PDE7A: variants seen among roughly 807,000 people sequenced by gnomAD.
The protein encoded by PDE7A is phosphodiesterase 7A.
PDE7A carries 39 observed loss-of-function variants against 64.3 expected under a neutral mutation model. The ratio of observed to expected loss-of-function variants is 0.61; its 90% CI spans 0.47 to 0.79. The LOEUF (loss-of-function observed/expected upper bound fraction) is 0.79, where lower values mean the gene tolerates loss of function less well. PDE7A is among the 30% of genes least tolerant of loss of function. PDE7A has a pLI of 0.00. For synonymous variants in PDE7A, 203 were observed against 206.8 expected (o/e 0.98, Z 0.16); for missense variants, 470 against 582.8 (o/e 0.81, Z 1.99).
rs558012492 is a variant in PDE7A, at chr8:65,767,882, CA to C, written c.283+11837del. 1.4e-4 allele frequency among the ~76,000 whole-genome samples: 21 copies of C among 152,232 alleles called. 1 individual carries two copies. The South Asian group carries it at 4.4e-3, about 32-fold the overall frequency. On this transcript the variant is annotated intron_variant, in intron 3 of 12. Coordinates refer to ENST00000401827, the MANE Select transcript of PDE7A (RefSeq NM_001242318.3). ...GCTGCTCCAGCAAATTAATCCAACCCAAAAAGAGGGTCCTGGGAACCGCAAC... is the reference window on the plus strand; with the variant it reads ...GCTGCTCCAGCAAATTAATCCAACCCAAAAGAGGGTCCTGGGAACCGCAAC...
intron 7 of PDE7A, chr8:65,728,099 C>A (rs2129067167): frequency 6.6e-6 from 1 of 152,320 alleles, no homozygotes; most frequent in Admixed American, 6.5e-5. Context: ...CACAGCACCT[C>A]ATGACCTGCC....
At chr8:65,730,274 G>A (rs540495419) in intron 7 of PDE7A, among the ~76,000 whole-genome samples, 338 of 134,186 alleles carry the variant, frequency 2.5e-3, no homozygotes, top group African/African-American at 7.9e-3. Flanking sequence ...TCCACCTCCC[G>A]GGTTTAAGTG....
At chr8:65,826,293 G>C (rs948641126) in intron 1 of PDE7A, among the ~76,000 whole-genome samples, 11 of 152,194 alleles carry the variant, frequency 7.2e-5, no homozygotes, top group African/African-American at 2.7e-4. Context: ...AAATTGTGGA[G>C]GTAGAATTCT....
At chr8:65,817,208 T>G (rs1314464540) in intron 1 of PDE7A, among the ~76,000 whole-genome samples, 1 of 152,240 alleles carries the variant, frequency 6.6e-6, no homozygotes, top group Non-Finnish European at 1.5e-5. Flanking sequence ...GTTGCAAAGA[T>G]AGTAGAGTGT....
intron 1 of PDE7A, among the ~76,000 whole-genome samples, chr8:65,820,714 C>G (rs957041768): frequency 2.6e-5 from 4 of 152,112 alleles, no homozygotes; most frequent in African/African-American, 9.7e-5. Context: ...CTCAGCCTCT[C>G]AAGTAGCTGG....
chr8:65,813,675 C>A (rs1259166108), intron 1 of PDE7A, among the ~76,000 whole-genome samples: 1 of 152,114 alleles, frequency 6.6e-6, no homozygotes, highest in African/African-American at 2.4e-5. Flanking sequence ...TTAATGTAAT[C>A]TTTTTGACAA....
intron 3 of PDE7A, among the ~76,000 whole-genome samples, chr8:65,756,844 T>A (rs868591599): frequency 5.9e-5 from 9 of 152,192 alleles, no homozygotes; most frequent in African/African-American, 2.2e-4. Flanking sequence ...CATTCCAAGT[T>A]TTACACTGGG....
chr8:65,717,214 A>G lies in PDE7A; in HGVS notation c.*2076T>C, dbSNP rs971789212. On this transcript the variant is annotated 3_prime_UTR_variant, in exon 13 of 13. Coordinates refer to ENST00000401827, the MANE Select transcript of PDE7A (RefSeq NM_001242318.3). ...ACATCAACACTCTTCTGTACAAATA[A>G]TATGTTAATGTGTTTGATTTAGAAG... Among the ~76,000 whole-genome samples, 8 of 152,212 alleles carry G rather than the reference A, an allele frequency of 5.3e-5. No individual in the cohort carries two copies. Among genetic ancestry groups the G allele is most frequent in the Non-Finnish European group, 1.0e-4 (7 of 68,038 alleles).
intron 3 of PDE7A, among the ~76,000 whole-genome samples, chr8:65,769,386 C>A (rs1172724365): frequency 6.6e-6 from 1 of 151,834 alleles, no homozygotes; most frequent in African/African-American, 2.4e-5. Context: ...AAATCAGAAT[C>A]ATTGCAACAA....
intron 4 of PDE7A, 50 bp from the exon 5 acceptor site, chr8:65,745,520 G>A (rs1353153146): frequency 1.0e-6 from 1 of 996,958 alleles, no homozygotes; most frequent in Non-Finnish European, 1.6e-6. Flanking sequence ...CAATAACATT[G>A]TCTTTTGGAG....
intron 3 of PDE7A, among the ~76,000 whole-genome samples, chr8:65,770,248 G>A (rs561540918): frequency 2.6e-5 from 4 of 151,356 alleles, no homozygotes; most frequent in South Asian, 2.1e-4. Flanking sequence ...TGTTTTCAAC[G>A]CTGCTGATAA....
At chr8:65,742,637 G>C (rs1271595367) in intron 5 of PDE7A, among the ~76,000 whole-genome samples, 2 of 152,194 alleles carry the variant, frequency 1.3e-5, no homozygotes, top group East Asian at 1.9e-4. Flanking sequence ...ATTCACTTCA[G>C]GTGAAGCAGT....
intron 3 of PDE7A, among the ~76,000 whole-genome samples, chr8:65,752,924 C>G (rs1384416752): frequency 6.6e-6 from 1 of 152,066 alleles, no homozygotes; most frequent in Non-Finnish European, 1.5e-5. Context: ...CCAAATCTGT[C>G]TTCCTTTCCA....
chr8:65,747,679 T>C lies in PDE7A; in HGVS notation c.408A>G (p.Leu136=). The change falls in exon 4 of 13, where the codon TTA becomes TTG. Residue 136 remains leucine, a synonymous_variant. Transcript: ENST00000401827. ...TGGCTTGTCCATTATAATCATCATC[T>C]AAAATGTTTAGGGAATTTGAAACCG... ...GTAVSNSLNI[L]DDDYNGQAKC... 2.5e-6 allele frequency: 4 copies of C among 1,610,212 alleles called. No homozygotes were observed. Among genetic ancestry groups the C allele is most frequent in the Non-Finnish European group, 3.4e-6 (4 of 1,177,508 alleles).
At chr8:65,728,495 C>T (rs1339130310) in intron 7 of PDE7A, 3 of 151,956 alleles carry the variant, frequency 2.0e-5, no homozygotes, top group Admixed American at 6.6e-5. Flanking sequence ...ATTTTTGTAT[C>T]GCATATAATT....
rs773177540 is a variant in PDE7A, at chr8:65,739,588, A to G, written c.509T>C (p.Leu170Pro). The G allele has an allele frequency of 1.3e-6, 2 of 1,526,712 alleles. No individual in the cohort carries two copies. The highest frequency in any genetic ancestry group is 1.7e-6 in the Non-Finnish European group (2 of 1,143,230). The allele number at this position is 1,526,712 out of a possible 1,614,324, so 94.6% of individuals were successfully genotyped here. A position where few individuals can be genotyped will look rare whatever the true frequency, so the allele number is the denominator to read the frequency against. Reference sequence around the variant, plus strand: ...AAATAAATGAAAGGTTAAGCTTACTAGACTATTTCCTAAAAAGAAAGAAGA... The same window carrying G: ...AAATAAATGAAAGGTTAAGCTTACTGGACTATTTCCTAAAAAGAAAGAAGA... ...LFDRLTNGNS[L>P]VSLTFHLFSL... is the part of the protein sequence containing the mutation. The change falls in exon 6 of 13, where the codon CTA becomes CCA. Residue 170 changes from leucine to proline, a missense_variant. Transcript: ENST00000401827.
In PDE7A at chr8:65,727,246, G is replaced by A; in HGVS notation, c.752C>T (p.Thr251Ile). 1 of 1,613,838 alleles carries A rather than the reference G, an allele frequency of 6.2e-7. No individual in the cohort carries two copies. Among genetic ancestry groups the A allele is most frequent in the Non-Finnish European group, 8.5e-7 (1 of 1,179,786 alleles). The change falls in exon 8 of 13, where the codon ACT becomes ATT. Residue 251 changes from threonine to isoleucine, a missense_variant. By Grantham distance (89) the Thr-to-Ile change is moderately conservative. Coordinates refer to ENST00000401827, the MANE Select transcript of PDE7A (RefSeq NM_001242318.3). The part of the protein sequence containing the change: ...DILLSLIAAA[T>I]HDLDHPGVNQ... ...AACACCTGGATGATCCAGATCATGA[G>A]TGGCAGCTGCAATTAAGCTCAGCAA...
At chr8:65,827,114 G>C (rs960866862) in intron 1 of PDE7A, among the ~76,000 whole-genome samples, 1 of 152,124 alleles carries the variant, frequency 6.6e-6, no homozygotes, top group Non-Finnish European at 1.5e-5. Flanking sequence ...AAGAATTGTT[G>C]GTAAACACTA....
At chr8:65,726,764 T>C (rs1400414165) in intron 9 of PDE7A, 111 bp downstream of exon 9, 1 of 596,346 alleles carries the variant, frequency 1.7e-6, no homozygotes, top group Non-Finnish European at 3.0e-6. Context: ...TGACAAACAC[T>C]GAAAACTGTG....
Sources: allele counts gnomAD v4.1 joint callset (sites outside exome capture counted in the v4.1 genomes callset), GRCh38; gene constraint gnomAD v4.1.1; transcripts MANE v1.5; gene names NCBI Gene and HGNC (gene_info 2026-07-23, HGNC 2026-07-21).